The following TXNDC5 variants were observed in gnomAD, a reference collection of about 807,000 sequenced individuals.
The protein encoded by TXNDC5 is thioredoxin domain-containing protein 5.
TXNDC5 carries 44 observed loss-of-function variants against 52.6 expected under a neutral mutation model. The ratio of observed to expected loss-of-function variants is 0.84; its 90% CI spans 0.66 to 1.08. The LOEUF (loss-of-function observed/expected upper bound fraction) is 1.08. Ranked by LOEUF, TXNDC5 falls within the 50% of genes least tolerant of loss-of-function variation. The pLI is 0.00. For missense variants in TXNDC5, 600 were observed against 565.5 expected, an observed-to-expected ratio of 1.06 and a Z score of -0.62; for synonymous variants, 241 against 234.4, an observed-to-expected ratio of 1.03 and a Z score of -0.26.
intron 4 of TXNDC5, among the ~76,000 whole-genome samples, chr6:7,893,763 G>A (rs983660848): frequency 6.6e-6 from 1 of 152,240 alleles, no homozygotes; most frequent in African/African-American, 2.4e-5. Context: ...GTGTGGTGGG[G>A]GAGGGGCTCT....
At chr6:7,883,382 A>G in intron 9 of TXNDC5, 116 bp from the exon 10 acceptor site, 1 of 1,467,264 alleles carries the variant, frequency 6.8e-7, no homozygotes, top group Admixed American at 1.9e-5. Context: ...TCTGTGGCTA[A>G]TTTTTAAAGG....
chr6:7,883,623 C>T (rs142111252), intron 9 of TXNDC5, among the ~76,000 whole-genome samples: 101 of 152,280 alleles, frequency 6.6e-4, no homozygotes, highest in African/African-American at 2.3e-3. Flanking sequence ...AATGACCTCC[C>T]TGGCGATGCC....
At chr6:7,909,827 T>C (rs1760854751) in intron 1 of TXNDC5, 1 of 985,964 alleles carries the variant, frequency 1.0e-6, no homozygotes, top group Non-Finnish European at 1.2e-6. Flanking sequence ...CTGGGTTCTA[T>C]TTTTCAGTTA....
At chr6:7,894,726 A>C (rs1012446654) in intron 4 of TXNDC5, 1 of 985,466 alleles carries the variant, frequency 1.0e-6, no homozygotes, top group Non-Finnish European at 1.2e-6. Flanking sequence ...AAACCGCTAG[A>C]CCTGCCAGAT....
chr6:7,893,385 G>A (rs115060036), intron 4 of TXNDC5, among the ~76,000 whole-genome samples: 3,690 of 152,370 alleles, frequency 0.024, 149 homozygotes, highest in African/African-American at 0.079. Context: ...ATGTGCAGGT[G>A]CACAGTAGAT....
At chr6:7,899,315 A>G (rs73365801) in intron 3 of TXNDC5, among the ~76,000 whole-genome samples, 7,461 of 152,252 alleles carry the variant, frequency 0.049, 618 homozygotes, top group African/African-American at 0.17. Context: ...AAACACCAAA[A>G]TGGTGGTAAC....
At chr6:7,907,076 G>A (rs956531240) in intron 1 of TXNDC5, among the ~76,000 whole-genome samples, 3 of 152,156 alleles carry the variant, frequency 2.0e-5, no homozygotes, top group African/African-American at 7.2e-5. Context: ...TGACCTTCAG[G>A]GGACTTTGAT....
intron 5 of TXNDC5, among the ~76,000 whole-genome samples, chr6:7,890,831 G>A (rs947695602): frequency 1.3e-5 from 2 of 152,098 alleles, no homozygotes; most frequent in Non-Finnish European, 2.9e-5. Flanking sequence ...GTTTTGCAAA[G>A]GGGGAGACCG....
rs534980705 is a variant in TXNDC5 at position 7,910,637 on chromosome 6, TCCGCCG to T, written c.134_139del (p.Ala45_Ala46del). On this transcript the variant is annotated inframe_deletion, in exon 1 of 10. Transcript: ENST00000379757. ...CTCGCCGTCTGCCGCGGGGGGCCCG[TCCGCCG>T]CCGCCGCCGCCGCCTCCTGGGCCCG... 31 of 1,233,996 alleles carry T rather than the reference TCCGCCG, an allele frequency of 2.5e-5. No homozygotes were observed. Among genetic ancestry groups the T allele is most frequent in the South Asian group, 1.4e-4 (8 of 55,752 alleles). The allele number at this position is 1,233,996 out of a possible 1,614,324, so 76.4% of individuals were successfully genotyped here.
Position 7,881,754 on chromosome 6 carries a change from T to C in TXNDC5, c.*1390A>G, listed in dbSNP as rs928401940. 4.6e-5 allele frequency: 7 copies of C among 152,232 alleles called. No individual in the cohort carries two copies. Among genetic ancestry groups the C allele is most frequent in the Admixed American group, 2.0e-4 (3 of 15,292 alleles). 9.4% of individuals were successfully genotyped at this position (152,232 alleles called of 1,614,324 possible). A position where few individuals can be genotyped will look rare whatever the true frequency, so the allele number is the denominator to read the frequency against. ...GAGGCTGGTCGAGATGCTGCTGTTA[T>C]CTTCTGCCTCAGACAGACAGTATAA... On this transcript the variant is annotated 3_prime_UTR_variant, in exon 10 of 10. Coordinates refer to ENST00000379757, the MANE Select transcript of TXNDC5 (RefSeq NM_030810.5).
At chr6:7,909,373 TCTGG>T (rs67325316) in intron 1 of TXNDC5, among the ~76,000 whole-genome samples, 4,642 of 152,292 alleles carry the variant, frequency 0.03, 227 homozygotes, top group African/African-American at 0.1. Flanking sequence ...GGCTTTCTGC[TCTGG>T]CCTGTGGTCA....
rs767702997 is a variant in TXNDC5 at position 7,889,496 on chromosome 6, T to A, written c.818A>T (p.Lys273Met). 1 of 1,610,756 alleles carries A rather than the reference T, an allele frequency of 6.2e-7. No homozygotes were observed. The highest frequency in any genetic ancestry group is 8.5e-7 in the Non-Finnish European group (1 of 1,177,406). Residue 273 changes from lysine to methionine, a missense_variant and splice_region_variant, in exon 6 of 10, where the codon AAG becomes ATG. Coordinates refer to ENST00000379757, the MANE Select transcript of TXNDC5 (RefSeq NM_030810.5). ...CAGTACTAAGAAGTGCAGACGTACC[T>A]TTTTCCCATCTCGGAACCAGAGAAG... ...PTLLWFRDGKKVDQYKGKRDL... is the reference protein window; with the variant it reads ...PTLLWFRDGKMVDQYKGKRDL...
At chr6:7,904,444 G>C (rs1387836170) in intron 2 of TXNDC5, 130 bp downstream of exon 2, 1 of 1,204,484 alleles carries the variant, frequency 8.3e-7, no homozygotes, top group Non-Finnish European at 1.2e-6. Context: ...ATTAAATGCA[G>C]TTTCTCCCTA....
chr6:7,891,681 A>G lies in TXNDC5; in HGVS notation c.672T>C (p.Ala224=). The G allele has an allele frequency of 6.2e-7, 1 of 1,614,040 alleles. No individual in the cohort carries two copies. The highest frequency in any genetic ancestry group is 8.5e-7 in the Non-Finnish European group (1 of 1,179,916). Residue 224 remains alanine (A), a synonymous_variant, in exon 5 of 10, where the codon GCT becomes GCC. Coordinates refer to ENST00000379757, the MANE Select transcript of TXNDC5 (RefSeq NM_030810.5). Reference sequence around the variant, plus strand: ...CCAGAGCCAGCTGCTCCCAGGTTGGAGCCAGGGCTTTGCAGTGACCACACC... The same window carrying G: ...CCAGAGCCAGCTGCTCCCAGGTTGGGGCCAGGGCTTTGCAGTGACCACACC... ...APWCGHCKAL[A]PTWEQLALGL...
intron 7 of TXNDC5, among the ~76,000 whole-genome samples, chr6:7,888,378 A>T (rs1452293296): frequency 6.6e-6 from 1 of 152,312 alleles, no homozygotes; most frequent in African/African-American, 2.4e-5. Context: ...TAGCAGAAAC[A>T]TGCCCAGCAG....
Position 7,904,713 on chromosome 6 carries a change from A to C in TXNDC5, c.274T>G (p.Cys92Gly). The change falls in exon 2 of 10, where the codon TGC becomes GGC. Residue 92 changes from cysteine (C) to glycine (G), a missense_variant. Physicochemically the swap from Cys to Gly is radical, Grantham distance 159. Transcript: ENST00000379757. ...TTCCAAGTCGGCTGCAGCCGCTGGCAGTGTCCACACCTGGAACAAGGCAAG... is the reference window on the plus strand; with the variant it reads ...TTCCAAGTCGGCTGCAGCCGCTGGCCGTGTCCACACCTGGAACAAGGCAAG... The part of the protein sequence containing the change: ...VMFFAPWCGH[C>G]QRLQPTWNDL... 6.2e-7 allele frequency: 1 copy of C among 1,614,218 alleles called. No homozygotes were observed. The highest frequency in any genetic ancestry group is 8.5e-7 in the Non-Finnish European group (1 of 1,180,044).
chr6:7,883,183 T>C lies in TXNDC5; in HGVS notation c.1260A>G (p.Leu420=). 1.2e-6 allele frequency: 2 copies of C among 1,614,198 alleles called. No homozygotes were observed. Among genetic ancestry groups the C allele is most frequent in the South Asian group, 2.2e-5 (2 of 91,090 alleles). ...TCGCTTGGCTCAGGACAAAGCGGTGTAACGAGTCAAGGTCTCTGCCTCCAC... is the reference window on the plus strand; with the variant it reads ...TCGCTTGGCTCAGGACAAAGCGGTGCAACGAGTCAAGGTCTCTGCCTCCAC... The part of the protein sequence containing the change: ...EHSGGRDLDS[L]HRFVLSQAKD... Residue 420 remains leucine, a synonymous_variant, in exon 10 of 10, where the codon TTA becomes TTG. Coordinates refer to ENST00000379757, the MANE Select transcript of TXNDC5 (RefSeq NM_030810.5).
intron 2 of TXNDC5, among the ~76,000 whole-genome samples, chr6:7,903,660 C>T (rs1480683461): frequency 6.6e-6 from 1 of 152,212 alleles, no homozygotes; most frequent in African/African-American, 2.4e-5. Flanking sequence ...TATTGATGGA[C>T]CCCTATATTA....
At chr6:7,904,491 C>T (rs918813271) in intron 2 of TXNDC5, 83 bp downstream of exon 2, 5 of 1,560,464 alleles carry the variant, frequency 3.2e-6, no homozygotes, top group Non-Finnish European at 4.4e-6. Context: ...AGTATCTCTT[C>T]ACACCTTTAC....
Sources: allele counts gnomAD v4.1 joint callset (sites outside exome capture counted in the v4.1 genomes callset), GRCh38; gene constraint gnomAD v4.1.1; transcripts MANE v1.5; gene names NCBI Gene and HGNC (gene_info 2026-07-23, HGNC 2026-07-21).